The following ADAM32 variants were observed in gnomAD, a reference collection of about 807,000 sequenced individuals.
ADAM32 encodes ADAM metallopeptidase domain 32.
Under a neutral mutation model 114.9 loss-of-function variants are expected in ADAM32, and 89 were observed. That is an observed-to-expected ratio of 0.77 (90% CI 0.65 to 0.92). The LOEUF is 0.92. Among genes scored for constraint, ADAM32 ranks in the 40% least tolerant of loss-of-function variants. The pLI is 0.00. For missense variants in ADAM32, 870 were observed against 932.8 expected, an observed-to-expected ratio of 0.93 and a Z score of 0.88; for synonymous variants, 285 against 307.5, an observed-to-expected ratio of 0.93 and a Z score of 0.77.
chr8:39,128,363 A>G (rs1297193495), intron 2 of ADAM32, among the ~76,000 whole-genome samples: 3 of 151,564 alleles, frequency 2.0e-5, no homozygotes, highest in South Asian at 4.2e-4. Flanking sequence ...TCTGTTTTCT[A>G]TTTGCTTGGT....
chr8:39,254,043 C>T (rs1232874749), intron 17 of ADAM32, among the ~76,000 whole-genome samples: 4 of 151,402 alleles, frequency 2.6e-5, no homozygotes, highest in Non-Finnish European at 4.4e-5. Context: ...ACATATAAAG[C>T]GATGGATGAA....
rs1339242692 is a variant in ADAM32 at position 39,274,300 on chromosome 8, A to G, written c.2202-12A>G. The G allele has an allele frequency of 2.5e-6, 4 of 1,594,334 alleles. No individual in the cohort carries two copies. Among genetic ancestry groups the G allele is most frequent in the Non-Finnish European group, 3.4e-6 (4 of 1,166,286 alleles). ...GTACTAACTTGAGACATTGCTTTCA[A>G]TTTTTTTTTAGATCCAGCTCAGAAG... On this transcript the variant is annotated splice_polypyrimidine_tract_variant and intron_variant, in intron 20 of 24. Coordinates refer to ENST00000379907, the MANE Select transcript of ADAM32 (RefSeq NM_145004.7).
At chr8:39,272,169 A>G (rs1812778442) in intron 20 of ADAM32, among the ~76,000 whole-genome samples, 4 of 151,882 alleles carry the variant, frequency 2.6e-5, no homozygotes, top group Admixed American at 2.6e-4. Flanking sequence ...TAGGATGAAT[A>G]GGGACAAAAT....
At chr8:39,203,328 C>CAT (rs1807569832) in intron 11 of ADAM32, among the ~76,000 whole-genome samples, 1 of 152,088 alleles carries the variant, frequency 6.6e-6, no homozygotes, top group Non-Finnish European at 1.5e-5. Flanking sequence ...GTATTGGGTG[C>CAT]ATATATATTT....
At chr8:39,137,924 A>C (rs1162552733) in intron 3 of ADAM32, among the ~76,000 whole-genome samples, 1 of 152,220 alleles carries the variant, frequency 6.6e-6, no homozygotes, top group Non-Finnish European at 1.5e-5. Flanking sequence ...TATGAAGGAA[A>C]GTTAGAGAGC....
chr8:39,261,657 G>C (rs1812037074), intron 19 of ADAM32, among the ~76,000 whole-genome samples: 1 of 152,046 alleles, frequency 6.6e-6, no homozygotes, highest in Non-Finnish European at 1.5e-5. Context: ...GGCTATCCTA[G>C]TTTATATTCC....
chr8:39,149,059 A>G (rs985091204), intron 4 of ADAM32, among the ~76,000 whole-genome samples: 9 of 152,200 alleles, frequency 5.9e-5, no homozygotes, highest in African/African-American at 2.2e-4. Flanking sequence ...TATTTTGCAT[A>G]TGTTAACTAG....
chr8:39,270,324 C>A (rs2129451274), intron 19 of ADAM32, among the ~76,000 whole-genome samples: 1 of 152,268 alleles, frequency 6.6e-6, no homozygotes, highest in South Asian at 2.1e-4. Flanking sequence ...ATTTTTCTCT[C>A]TATTTATGCA....
chr8:39,274,633 G>A (rs559782247), intron 21 of ADAM32, among the ~76,000 whole-genome samples: 4 of 152,238 alleles, frequency 2.6e-5, no homozygotes, highest in African/African-American at 9.6e-5. Flanking sequence ...GAATGTATAG[G>A]GCCTAGAAGT....
At chr8:39,117,416 C>T (rs542209387) in intron 1 of ADAM32, among the ~76,000 whole-genome samples, 41 of 151,606 alleles carry the variant, frequency 2.7e-4, no homozygotes, top group African/African-American at 9.7e-4. Context: ...GGAGAAATGT[C>T]TCTGACTTTT....
intron 14 of ADAM32, among the ~76,000 whole-genome samples, chr8:39,227,496 G>A (rs1417512695): frequency 6.6e-6 from 1 of 152,102 alleles, no homozygotes; most frequent in African/African-American, 2.4e-5. Flanking sequence ...ATTGGGGCAC[G>A]GTGGGAGTGA....
chr8:39,258,399 A>T (rs902320284), intron 19 of ADAM32, among the ~76,000 whole-genome samples: 6 of 151,432 alleles, frequency 4.0e-5, no homozygotes, highest in Non-Finnish European at 8.8e-5. Flanking sequence ...TCTCCTTAAC[A>T]TATATCATTT....
At chr8:39,170,141 T>G in intron 10 of ADAM32, 144 bp downstream of exon 10, 1 of 555,006 alleles carries the variant, frequency 1.8e-6, no homozygotes, top group Non-Finnish European at 3.1e-6. Context: ...TTTAAGTGTG[T>G]AGAAGGAAGA....
chr8:39,185,461 C>T (rs1017562792), intron 10 of ADAM32, among the ~76,000 whole-genome samples: 8 of 152,200 alleles, frequency 5.3e-5, no homozygotes, highest in African/African-American at 1.9e-4. Flanking sequence ...TCCCAGCTCT[C>T]TTTGAATGTT....
rs759238965 is a variant in ADAM32 at position 39,223,213 on chromosome 8, A to C, written c.1500A>C (p.Ala500=). 24 of 1,591,586 alleles carry C rather than the reference A, an allele frequency of 1.5e-5. No individual in the cohort carries two copies. The African/African-American group carries it at 3.1e-4, about 21-fold the overall frequency. ...CYDGDCHDLD[A]RCESVFGKGS... ...ACGGAGACTGCCATGATCTCGATGC[A>C]CGTTGTGAGAGTGTATTTGGAAAAG... The change falls in exon 14 of 25, where the codon GCA becomes GCC. Residue 500 remains alanine (A), a synonymous_variant. Transcript: ENST00000379907.
At chr8:39,114,916 T>G (rs1840314482) in intron 1 of ADAM32, among the ~76,000 whole-genome samples, 1 of 152,226 alleles carries the variant, frequency 6.6e-6, no homozygotes, top group Non-Finnish European at 1.5e-5. Flanking sequence ...TGCCCCTCTT[T>G]GCATCCATGT....
chr8:39,196,674 G>C (rs1399501142), intron 11 of ADAM32, among the ~76,000 whole-genome samples: 1 of 151,858 alleles, frequency 6.6e-6, no homozygotes, highest in Non-Finnish European at 1.5e-5. Flanking sequence ...TTGCAATCTT[G>C]GTATAAATCA....
chr8:39,161,094 A>G (rs1804481786), intron 7 of ADAM32, 129 bp downstream of exon 7: 7 of 820,818 alleles, frequency 8.5e-6, no homozygotes, highest in Non-Finnish European at 1.1e-5. Flanking sequence ...TAGTGGAAAA[A>G]TGTGCAAACT....
intron 20 of ADAM32, among the ~76,000 whole-genome samples, chr8:39,273,156 A>G (rs1350617278): frequency 6.6e-6 from 1 of 152,086 alleles, no homozygotes; most frequent in Non-Finnish European, 1.5e-5. Context: ...GTTGTTTTAC[A>G]GTTAATTTTT....
Sources: allele counts gnomAD v4.1 joint callset (sites outside exome capture counted in the v4.1 genomes callset), GRCh38; gene constraint gnomAD v4.1.1; transcripts MANE v1.5; gene names NCBI Gene and HGNC (gene_info 2026-07-23, HGNC 2026-07-21).